SLC16A12: variants seen among roughly 807,000 people sequenced by gnomAD.
SLC16A12 encodes solute carrier family 16 member 12.
Under a neutral mutation model 42.4 loss-of-function variants are expected in SLC16A12, and 17 were observed. The ratio of observed to expected loss-of-function variants is 0.40; its 90% CI spans 0.27 to 0.60. SLC16A12 has a LOEUF of 0.60. Among genes scored for constraint, SLC16A12 ranks in the 20% least tolerant of loss-of-function variants. The probability of loss-of-function intolerance (pLI) is 0.42; values close to 1 mark genes in which losing one functional copy is unlikely to be tolerated. For missense variants in SLC16A12, 544 were observed against 623.0 expected (o/e 0.87, Z 1.35); for synonymous variants, 224 against 229.4 (o/e 0.98, Z 0.21).
At chr10:89,451,675 G>A (rs1842098576) in intron 3 of SLC16A12, among the ~76,000 whole-genome samples, 1 of 152,266 alleles carries the variant, frequency 6.6e-6, no homozygotes, top group South Asian at 2.1e-4. Context: ...GCCTCCCAAA[G>A]TGCTGGGATT....
chr10:89,542,495 G>C (rs1209548955), intron 2 of SLC16A12, among the ~76,000 whole-genome samples: 1 of 151,716 alleles, frequency 6.6e-6, no homozygotes, highest in Non-Finnish European at 1.5e-5. Context: ...GTAGAGATAG[G>C]GTTTCACCAT....
At chr10:89,546,222 A>G (rs983343610) in intron 2 of SLC16A12, among the ~76,000 whole-genome samples, 2 of 152,248 alleles carry the variant, frequency 1.3e-5, no homozygotes, top group African/African-American at 4.8e-5. Context: ...GCTTCTGCAC[A>G]GCAAAAGAAA....
chr10:89,441,660 C>T (rs1841913791), intron 4 of SLC16A12, among the ~76,000 whole-genome samples: 1 of 152,114 alleles, frequency 6.6e-6, no homozygotes, highest in Non-Finnish European at 1.5e-5. Context: ...GTGGATAACA[C>T]CATGTGACCA....
chr10:89,436,865 A>G (rs1320466185), intron 6 of SLC16A12, among the ~76,000 whole-genome samples: 48 of 101,520 alleles, frequency 4.7e-4, no homozygotes, highest in African/African-American at 1.6e-3. Flanking sequence ...AAAGAAATAA[A>G]GAAAAAGAAA....
chr10:89,465,900 C>A (rs73371325), intron 2 of SLC16A12, among the ~76,000 whole-genome samples: 2 of 152,144 alleles, frequency 1.3e-5, no homozygotes, highest in South Asian at 2.1e-4. Flanking sequence ...AAATGTTTCC[C>A]TGTTCTTAAG....
intron 2 of SLC16A12, among the ~76,000 whole-genome samples, chr10:89,529,993 A>C (rs947740712): frequency 6.6e-6 from 1 of 152,246 alleles, no homozygotes; most frequent in Non-Finnish European, 1.5e-5. Flanking sequence ...GCAGTAAAGT[A>C]ATCAGAAGTC....
intron 2 of SLC16A12, among the ~76,000 whole-genome samples, chr10:89,470,725 A>G (rs1377467845): frequency 4.6e-5 from 7 of 152,260 alleles, no homozygotes; most frequent in Non-Finnish European, 7.3e-5. Context: ...ATAAGTTCCC[A>G]GCAGCAAAGT....
chr10:89,516,764 C>CT (rs35005424), intron 2 of SLC16A12, among the ~76,000 whole-genome samples: 1 of 152,188 alleles, frequency 6.6e-6, no homozygotes, highest in Admixed American at 6.5e-5. Context: ...CCCAACACTT[C>CT]TTTTTTGGAC....
intron 3 of SLC16A12, among the ~76,000 whole-genome samples, chr10:89,453,023 C>T (rs1359647839): frequency 6.6e-6 from 1 of 152,146 alleles, no homozygotes; most frequent in East Asian, 1.9e-4. Context: ...CACCGCAGTC[C>T]CATTCTTGTA....
At chr10:89,483,418 A>G (rs1340117858) in intron 2 of SLC16A12, among the ~76,000 whole-genome samples, 3 of 152,204 alleles carry the variant, frequency 2.0e-5, no homozygotes, top group Admixed American at 2.0e-4. Flanking sequence ...GGCCAGTAAC[A>G]GCATCATGGT....
At chr10:89,449,890 A>G (rs1286093685) in intron 3 of SLC16A12, among the ~76,000 whole-genome samples, 1 of 152,242 alleles carries the variant, frequency 6.6e-6, no homozygotes, top group Admixed American at 6.5e-5. Context: ...AGAATCTACA[A>G]AGAACTTCAA....
intron 3 of SLC16A12, chr10:89,456,379 TA>T (rs1468180239): frequency 6.6e-6 from 1 of 152,126 alleles, no homozygotes; most frequent in Non-Finnish European, 1.5e-5. Flanking sequence ...CCAGTAGACT[TA>T]GAGAAAAATA....
At chr10:89,536,123 CG>C (rs1375820867), upstream of SLC16A12, among the ~76,000 whole-genome samples, 1 of 152,194 alleles carries the variant, frequency 6.6e-6, no homozygotes, top group East Asian at 1.9e-4. Flanking sequence ...GGACCCTCCC[CG>C]GGAAGAGCCA....
intron 2 of SLC16A12, among the ~76,000 whole-genome samples, chr10:89,525,234 A>C (rs182700222): frequency 6.6e-6 from 1 of 151,780 alleles, no homozygotes; most frequent in African/African-American, 2.4e-5. Flanking sequence ...AAAAAAAAAA[A>C]AAAAAAAAAA....
chr10:89,455,668 T>C (rs2133727054), intron 3 of SLC16A12, among the ~76,000 whole-genome samples: 1 of 152,298 alleles, frequency 6.6e-6, no homozygotes, highest in African/African-American at 2.4e-5. Context: ...TGGGAGCATG[T>C]GTGCATCTCA....
chr10:89,447,437 C>T (rs1842023305), intron 3 of SLC16A12, among the ~76,000 whole-genome samples: 1 of 152,190 alleles, frequency 6.6e-6, no homozygotes, highest in Non-Finnish European at 1.5e-5. Context: ...CAAATTAGAA[C>T]TCAGGATTAA....
chr10:89,516,812 T>C (rs1156471304), intron 2 of SLC16A12, among the ~76,000 whole-genome samples: 2 of 152,230 alleles, frequency 1.3e-5, no homozygotes, highest in Non-Finnish European at 2.9e-5. Context: ...CCTACTGATA[T>C]TTCCAGTAAG....
intron 3 of SLC16A12, among the ~76,000 whole-genome samples, chr10:89,451,255 T>C (rs1054935479): frequency 4.6e-5 from 7 of 152,116 alleles, no homozygotes; most frequent in African/African-American, 1.7e-4. Context: ...GGTGTGAAAG[T>C]AGGTGGTGAA....
chr10:89,518,272 G>T (rs1462408955), intron 2 of SLC16A12, among the ~76,000 whole-genome samples: 3 of 152,180 alleles, frequency 2.0e-5, no homozygotes, highest in Non-Finnish European at 4.4e-5. Context: ...AAGGTTGGCT[G>T]CCAGGGGCAC....
Sources: allele counts gnomAD v4.1 joint callset (sites outside exome capture counted in the v4.1 genomes callset), GRCh38; gene constraint gnomAD v4.1.1; transcripts MANE v1.5; gene names NCBI Gene and HGNC (gene_info 2026-07-23, HGNC 2026-07-21).